GOLGB1: variants seen among roughly 807,000 people sequenced by gnomAD.
The protein encoded by GOLGB1 is golgin B1, also known as golgin subfamily B member 1.
A neutral mutation model predicts 336.9 loss-of-function variants in GOLGB1; 174 were observed. That is an observed-to-expected ratio of 0.52 (90% confidence interval 0.46 to 0.59). GOLGB1 has a LOEUF of 0.59. Among genes scored for constraint, GOLGB1 ranks in the 20% least tolerant of loss-of-function variants. The pLI is 0.00. For missense variants in GOLGB1, 3,331 were observed against 3,645.3 expected (o/e 0.91, Z 2.22); for synonymous variants, 1,208 against 1,289.2 (o/e 0.94, Z 1.35).
intron 5 of GOLGB1, among the ~76,000 whole-genome samples, chr3:121,723,665 T>C (rs1012776117): frequency 1.3e-5 from 2 of 152,140 alleles, no homozygotes; most frequent in East Asian, 3.9e-4. Context: ...AGTCTTTAAT[T>C]ATTACAAATA....
chr3:121,749,023 G>A, intron 1 of GOLGB1: 1 of 514,510 alleles, frequency 1.9e-6, no homozygotes, highest in South Asian at 8.4e-5. Context: ...TGATTCCTGG[G>A]ATTTTCGTGT....
rs1938246527 is a variant in GOLGB1 at position 121,663,989 on chromosome 3, T to A, written c.*491A>T. The A allele has an allele frequency of 6.1e-6, 1 of 163,670 alleles. No homozygotes were observed. Among genetic ancestry groups the A allele is most frequent in the Non-Finnish European group, 1.4e-5 (1 of 73,882 alleles). 10.1% of individuals were successfully genotyped at this position (163,670 alleles called of 1,614,324 possible). On this transcript the variant is annotated 3_prime_UTR_variant, in exon 22 of 22. Transcript: ENST00000614479. ...TGCAAGAGACCTAAATCAGATGTCC[T>A]ATGAGGTGACATGTTCATTTCCCTG...
At chr3:121,685,563 AAATAAATAAAT>A (rs1408178018) in intron 14 of GOLGB1, among the ~76,000 whole-genome samples, 24 of 151,700 alleles carry the variant, frequency 1.6e-4, no homozygotes, top group Admixed American at 1.2e-3. Context: ...ATAAATAAAT[AAATAAATAAAT>A]AAAAAGTGCA....
At position 121,734,521 on chromosome 3, in the gene GOLGB1, C is replaced by A. The variant is rs537605748; in HGVS notation, c.-2-3548G>T. ...TTAAAACTCAACATCAATAAAGTAA[C>A]ACACCTGATAAAGAAATGTGCAAGA... On this transcript the variant is annotated intron_variant, in intron 1 of 21. Coordinates refer to ENST00000614479, the MANE Select transcript of GOLGB1 (RefSeq NM_001366282.2). 6.6e-5 allele frequency among the ~76,000 whole-genome samples: 10 copies of A among 151,044 alleles called. No homozygotes were observed. The South Asian group carries it at 1.9e-3, about 28-fold the overall frequency.
rs117354206 is a variant in GOLGB1 at position 121,735,691 on chromosome 3, T to A, written c.-2-4718A>T. 4.3e-4 allele frequency among the ~76,000 whole-genome samples: 66 copies of A among 152,326 alleles called. 1 individual carries two copies. In the East Asian group the frequency reaches 0.013, roughly 29 times the overall value. ...AGAGATATCAGTATGAACTCATGTT[T>A]ATTTTAATATATATGTAAATAGATA... On this transcript the variant is annotated intron_variant, in intron 1 of 21. Transcript: ENST00000614479.
intron 1 of GOLGB1, among the ~76,000 whole-genome samples, chr3:121,734,235 C>T (rs1946326124): frequency 6.6e-6 from 1 of 151,660 alleles, no homozygotes; most frequent in Admixed American, 6.6e-5. Flanking sequence ...ACTAAAAATA[C>T]AAAAATAAGC....
chr3:121,684,042 C>T (rs997891639), intron 14 of GOLGB1, among the ~76,000 whole-genome samples: 2 of 146,938 alleles, frequency 1.4e-5, no homozygotes, highest in African/African-American at 2.5e-5. Context: ...GCAGGAGAAT[C>T]GCTTGAATTC....
chr3:121,693,472 G>A (rs1942650571), intron 13 of GOLGB1, among the ~76,000 whole-genome samples: 1 of 152,184 alleles, frequency 6.6e-6, no homozygotes, highest in Non-Finnish European at 1.5e-5. Flanking sequence ...TGGGTGACAA[G>A]AGCAAGACTC....
rs755333599 is a variant in GOLGB1, at chr3:121,692,190, G to A, written c.7174C>T (p.Leu2392=). ...INMKEQKIIS[L]LSGKEEAIQV... The stretch of plus-strand genomic sequence containing the variant: ...ATTGCCTCTTCCTTGCCAGAAAGCA[G>A]GCTTATAATCTTTTGCTCTTTCATA... Residue 2392 remains leucine, a synonymous_variant, in exon 14 of 22, where the codon CTG becomes TTG. Transcript: ENST00000614479. 4.2e-5 allele frequency: 67 copies of A among 1,602,878 alleles called. No homozygotes were observed. Among genetic ancestry groups the A allele is most frequent in the Non-Finnish European group, 5.3e-5 (62 of 1,177,038 alleles).
At position 121,744,099 on chromosome 3, in the gene GOLGB1, T is replaced by C. The variant is rs138555862; in HGVS notation, c.-3+5533A>G. Among the ~76,000 whole-genome samples the C allele has an allele frequency of 2.8e-3, 420 of 152,156 alleles. 1 individual carries two copies. Among genetic ancestry groups the C allele is most frequent in the African/African-American group, 9.7e-3 (402 of 41,506 alleles). ...GAATATCATTGAATATCATAGCAAA[T>C]GAGGAACACATACACATGAACACAG... is the stretch of plus-strand genomic sequence containing the variant. On this transcript the variant is annotated intron_variant, in intron 1 of 21. Transcript: ENST00000614479.
intron 1 of GOLGB1, among the ~76,000 whole-genome samples, chr3:121,740,145 G>A (rs1290891354): frequency 6.6e-6 from 1 of 152,088 alleles, no homozygotes; most frequent in East Asian, 1.9e-4. Flanking sequence ...TCTTGACTGT[G>A]GCAGTGGATA....
chr3:121,694,412 T>A lies in GOLGB1; in HGVS notation c.6111A>T (p.Gln2037His). 6.2e-7 allele frequency: 1 copy of A among 1,613,294 alleles called. No individual in the cohort carries two copies. Among genetic ancestry groups the A allele is most frequent in the Non-Finnish European group, 8.5e-7 (1 of 1,179,438 alleles). ...TTCTCTCCAGAGCACTAATTTTCTC[T>A]TGATACCTGATGCAGTCCTTCTGTA... is the stretch of plus-strand genomic sequence containing the variant. ...KQLQKDCIRY[Q>H]EKISALERTV... The change falls in exon 13 of 22, where the codon CAA (glutamine) becomes CAT (histidine). Residue 2037 changes from glutamine to histidine, a missense_variant. Transcript: ENST00000614479.
chr3:121,702,431 G>T, intron 11 of GOLGB1, 50 bp downstream of exon 11: 1 of 698,678 alleles, frequency 1.4e-6, no homozygotes, highest in Non-Finnish European at 2.2e-6. Flanking sequence ...AAAAGTAGAG[G>T]CACTTGTGGG....
intron 14 of GOLGB1, among the ~76,000 whole-genome samples, chr3:121,688,872 G>C (rs563519484): frequency 2.2e-4 from 32 of 147,336 alleles, no homozygotes; most frequent in African/African-American, 7.9e-4. Context: ...TCTCTGCCCA[G>C]CCGCCCCGTC....
intron 11 of GOLGB1, among the ~76,000 whole-genome samples, chr3:121,702,191 T>A (rs567930947): frequency 6.6e-6 from 1 of 152,274 alleles, no homozygotes; most frequent in East Asian, 1.9e-4. Context: ...TAAGGTCCTG[T>A]TCAAGCCATA....
intron 17 of GOLGB1, 53 bp downstream of exon 17, chr3:121,676,840 G>A (rs1560179263): frequency 3.9e-6 from 6 of 1,541,820 alleles, no homozygotes; most frequent in South Asian, 3.4e-5. Flanking sequence ...TTGCCTTCTT[G>A]TTCCAGTCAT....
At chr3:121,681,357 C>A (rs1009501234) in intron 15 of GOLGB1, among the ~76,000 whole-genome samples, 2 of 152,100 alleles carry the variant, frequency 1.3e-5, no homozygotes, top group East Asian at 3.9e-4. Flanking sequence ...ACTAGTAGCA[C>A]AAAGGACGTA....
chr3:121,710,522 T>G (rs1944261731), intron 10 of GOLGB1, among the ~76,000 whole-genome samples: 1 of 152,216 alleles, frequency 6.6e-6, no homozygotes, highest in Admixed American at 6.5e-5. Context: ...ATGAGTTCAC[T>G]TATATATGCA....
chr3:121,740,163 C>T (rs1339308021), intron 1 of GOLGB1, among the ~76,000 whole-genome samples: 1 of 152,070 alleles, frequency 6.6e-6, no homozygotes, highest in African/African-American at 2.4e-5. Context: ...ATACAGGAAC[C>T]TACACAGGTG....
Sources: gnomAD v4.1 joint callset for allele counts (sites outside exome capture counted in the v4.1 genomes callset) on GRCh38, gnomAD v4.1.1 for gene constraint, MANE v1.5 for transcripts, NCBI Gene and HGNC (gene_info 2026-07-23, HGNC 2026-07-21) for gene names.